Variants in CASK observed in about 807,000 individuals in gnomAD.
The protein encoded by CASK is peripheral plasma membrane protein CASK.
In CASK, 4 loss-of-function variants were observed where a neutral mutation model predicts 82.9. The ratio of observed to expected loss-of-function variants is 0.05; its 90% CI spans 0.02 to 0.11. The LOEUF is 0.11. Among genes scored for constraint, CASK ranks in the 10% least tolerant of loss-of-function variants. The probability of loss-of-function intolerance (pLI) is 1.00; values close to 1 mark genes in which losing one functional copy is unlikely to be tolerated. For missense variants in CASK, 358 were observed against 720.9 expected, an observed-to-expected ratio of 0.50 and a Z score of 5.76; for synonymous variants, 259 against 253.5, an observed-to-expected ratio of 1.02 and a Z score of -0.20.
intron 12 of CASK, among the ~76,000 whole-genome samples, chrX:41,596,670 T>TA (rs979031153): frequency 2.7e-5 from 3 of 110,658 alleles, no homozygotes; most frequent in African/African-American, 6.6e-5. Context: ...CACTTTTTAT[T>TA]AAAAAAAACA....
chrX:41,819,277 A>G (rs189851068), intron 2 of CASK, among the ~76,000 whole-genome samples: 89 of 111,618 alleles, frequency 8.0e-4, no homozygotes, highest in Non-Finnish European at 2.5e-4. Context: ...ATGAAAGGGG[A>G]GACATCAGTA....
intron 5 of CASK, among the ~76,000 whole-genome samples, chrX:41,691,596 C>T (rs1027539856): frequency 4.6e-5 from 5 of 109,437 alleles, no homozygotes; most frequent in Non-Finnish European, 7.6e-5. Context: ...CGGTGGCTCA[C>T]GCCTGTAACC....
At chrX:41,676,232 G>A (rs1445271202) in intron 5 of CASK, 27 of 1,189,297 alleles carry the variant, frequency 2.3e-5, no homozygotes, top group Middle Eastern at 3.2e-4. Context: ...TCTTAGCTCC[G>A]TATCAACTTT....
intron 5 of CASK, among the ~76,000 whole-genome samples, chrX:41,701,008 GT>G (rs200161960): frequency 9.7e-6 from 1 of 103,333 alleles, no homozygotes; most frequent in African/African-American, 3.5e-5. Context: ...GGTTAAGTGT[GT>G]TTTTGCAAAG....
At chrX:41,809,720 C>T (rs779117201) in intron 2 of CASK, among the ~76,000 whole-genome samples, 7 of 112,180 alleles carry the variant, frequency 6.2e-5, no homozygotes, top group South Asian at 3.7e-4. Context: ...TTGCCAGCAA[C>T]GGAACAAAGC....
At chrX:41,687,901 T>C (rs2067469841) in intron 5 of CASK, among the ~76,000 whole-genome samples, 1 of 98,567 alleles carries the variant, frequency 1.0e-5, no homozygotes, top group Non-Finnish European at 2.0e-5. Flanking sequence ...GAGGCTGCAG[T>C]GAGCCGAGAT....
intron 14 of CASK, chrX:41,585,139 AAGAGAAGGGTAGAG>A (rs201897949): frequency 0.12 from 13,271 of 111,943 alleles, 716 homozygotes; most frequent in Middle Eastern, 0.18. Context: ...GAGAAAGTTC[AAGAGAAGGGTAGAG>A]AGGTTACAAG....
intron 1 of CASK, among the ~76,000 whole-genome samples, chrX:41,895,168 T>C (rs1601950115): frequency 2.7e-5 from 3 of 111,440 alleles, no homozygotes; most frequent in South Asian, 7.6e-4. Flanking sequence ...TTTGAATAGC[T>C]CTTAAAGCCA....
intron 1 of CASK, among the ~76,000 whole-genome samples, chrX:41,878,666 G>T (rs931606601): frequency 1.8e-5 from 2 of 110,808 alleles, no homozygotes; most frequent in African/African-American, 6.6e-5. Flanking sequence ...TACAACAAGT[G>T]TAAATGTAAC....
intron 16 of CASK, among the ~76,000 whole-genome samples, chrX:41,567,439 G>A (rs1221130226): frequency 1.8e-5 from 2 of 112,432 alleles, no homozygotes; most frequent in East Asian, 5.5e-4. Context: ...GATTTGAACA[G>A]ATATTTCTCA....
rs1569358126 is a variant in CASK at position 41,637,678 on chromosome X, CTG to C, written c.832-1019_832-1018del. ...ATATTTTTAGAGACAGGGTCTCATT[CTG>C]TCGCCCAGGCTGGAGTGCAGTGGTG... On this transcript the variant is annotated intron_variant, in intron 8 of 26. Transcript: ENST00000378163. 7.0e-3 allele frequency among the ~76,000 whole-genome samples: 772 copies of C among 109,527 alleles called. 10 individuals carry two copies. Among genetic ancestry groups the C allele is most frequent in the African/African-American group, 0.024 (735 of 30,231 alleles).
intron 2 of CASK, among the ~76,000 whole-genome samples, chrX:41,837,006 T>C (rs2070937926): frequency 8.9e-6 from 1 of 112,182 alleles, no homozygotes; most frequent in Non-Finnish European, 1.9e-5. Flanking sequence ...GTTATATCAG[T>C]CAGGGTTTGC....
chrX:41,567,111 G>A (rs1430236065), intron 16 of CASK, among the ~76,000 whole-genome samples: 5 of 112,179 alleles, frequency 4.5e-5, no homozygotes, highest in Admixed American at 2.8e-4. Flanking sequence ...AGACTTAAAT[G>A]TTAGACCTAA....
At chrX:41,668,200 G>A (rs1276418923) in intron 6 of CASK, among the ~76,000 whole-genome samples, 2 of 111,610 alleles carry the variant, frequency 1.8e-5, no homozygotes, top group Non-Finnish European at 3.8e-5. Flanking sequence ...CTACATGGAG[G>A]TATGTAGCCC....
At chrX:41,863,467 A>G (rs2071531136) in intron 1 of CASK, among the ~76,000 whole-genome samples, 1 of 112,160 alleles carries the variant, frequency 8.9e-6, no homozygotes, top group Non-Finnish European at 1.9e-5. Context: ...CCAGAAAGGA[A>G]AAAGAAAAAG....
At chrX:41,896,989 T>G (rs1009419431) in intron 1 of CASK, among the ~76,000 whole-genome samples, 1 of 112,101 alleles carries the variant, frequency 8.9e-6, no homozygotes, top group Non-Finnish European at 1.9e-5. Context: ...TTTAGTGAAT[T>G]TGCTTATTAG....
intron 25 of CASK, among the ~76,000 whole-genome samples, chrX:41,527,466 C>T (rs2064732490): frequency 8.9e-6 from 1 of 112,086 alleles, no homozygotes; most frequent in Non-Finnish European, 1.9e-5. Flanking sequence ...AATAGAAACT[C>T]ATTTGACCCA....
At chrX:41,753,605 G>A (rs948763790) in intron 3 of CASK, among the ~76,000 whole-genome samples, 1 of 112,539 alleles carries the variant, frequency 8.9e-6, no homozygotes, top group Non-Finnish European at 1.9e-5. Flanking sequence ...ATTAATAAAG[G>A]CCAGGTGCAA....
Position 41,622,630 on chromosome X carries a change from A to G in CASK, c.1020T>C (p.Leu340=). The part of the protein sequence containing the change: ...DFSEDPTSSG[L]LAAERAVSQV... ...AGGGATACCTACTTTCTGCTGCTAG[A>G]AGTCCTAGGAGGAAGGCAGCATATG... Residue 340 remains leucine, a synonymous_variant, in exon 11 of 27, where the codon CTT becomes CTC. Coordinates refer to ENST00000378163, the MANE Select transcript of CASK (RefSeq NM_001367721.1). The G allele has an allele frequency of 8.4e-7, 1 of 1,196,035 alleles. No homozygotes were observed. Among genetic ancestry groups the G allele is most frequent in the Non-Finnish European group, 1.1e-6 (1 of 884,626 alleles).
Sources: allele counts gnomAD v4.1 joint callset (sites outside exome capture counted in the v4.1 genomes callset), GRCh38; gene constraint gnomAD v4.1.1; transcripts MANE v1.5; gene names NCBI Gene and HGNC (gene_info 2026-07-23, HGNC 2026-07-21).